RNF24: variants seen among roughly 807,000 people sequenced by gnomAD.
RNF24 encodes the protein ring finger protein 24.
RNF24 carries 14 observed loss-of-function variants against 20.0 expected under a neutral mutation model. That is an observed-to-expected ratio of 0.70 (90% CI 0.46 to 1.10). The LOEUF (loss-of-function observed/expected upper bound fraction) is 1.10, where lower values mean the gene tolerates loss of function less well. Ranked by LOEUF, RNF24 falls within the 50% of genes least tolerant of loss-of-function variation. The pLI, the probability that RNF24 is intolerant of heterozygous loss-of-function variation, is 0.00. For missense variants in RNF24, 124 were observed against 177.6 expected (o/e 0.70, Z 1.71); for synonymous variants, 45 against 61.1 (o/e 0.74, Z 1.23).
chr20:4,002,785 T>C (rs1025631025), intron 1 of RNF24, among the ~76,000 whole-genome samples: 1 of 152,168 alleles, frequency 6.6e-6, no homozygotes, highest in Non-Finnish European at 1.5e-5. Flanking sequence ...TTTTATATAA[T>C]ACATTTTTAA....
intron 1 of RNF24, among the ~76,000 whole-genome samples, chr20:4,000,185 G>A (rs781751761): frequency 2.6e-5 from 4 of 152,140 alleles, no homozygotes; most frequent in Non-Finnish European, 4.4e-5. Flanking sequence ...CAATAAAGCT[G>A]TTAAAAAAAG....
intron 1 of RNF24, among the ~76,000 whole-genome samples, chr20:3,977,276 T>C (rs1354714846): frequency 6.6e-6 from 1 of 152,154 alleles, no homozygotes; most frequent in African/African-American, 2.4e-5. Context: ...GAAAGTTAAG[T>C]TGTGCTAATA....
rs1458567387 is a variant in RNF24 at position 3,930,585 on chromosome 20, A to G, written c.*3478T>C. 1.3e-5 allele frequency: 2 copies of G among 152,214 alleles called. No homozygotes were observed. Among genetic ancestry groups the G allele is most frequent in the Non-Finnish European group, 1.5e-5 (1 of 68,042 alleles). 9.4% of individuals were successfully genotyped at this position (152,214 alleles called of 1,614,324 possible). A position where few individuals can be genotyped will look rare whatever the true frequency, so the allele number is the denominator to read the frequency against. On this transcript the variant is annotated 3_prime_UTR_variant, in exon 6 of 6. Coordinates refer to ENST00000358395, the MANE Select transcript of RNF24 (RefSeq NM_001134337.3). The stretch of plus-strand genomic sequence containing the variant: ...GAAGGGCCTAAGGCTAGTGAGTGAC[A>G]AGAGGTGATTCCATCACTCTCTGCC...
At chr20:3,972,859 C>T (rs868094439) in intron 1 of RNF24, among the ~76,000 whole-genome samples, 1 of 151,600 alleles carries the variant, frequency 6.6e-6, no homozygotes, top group African/African-American at 2.4e-5. Context: ...GCCGAGATCG[C>T]GCCACTGCAC....
At chr20:3,972,834 C>T (rs1271246448) in intron 1 of RNF24, among the ~76,000 whole-genome samples, 1 of 151,466 alleles carries the variant, frequency 6.6e-6, no homozygotes, top group Admixed American at 6.6e-5. Flanking sequence ...ATCCTGGCGG[C>T]GGAGATTGCA....
chr20:3,960,696 T>C (rs1459066355), intron 2 of RNF24, among the ~76,000 whole-genome samples: 2 of 152,038 alleles, frequency 1.3e-5, no homozygotes, highest in African/African-American at 2.4e-5. Flanking sequence ...CAAAAAACAA[T>C]CGTACCAATG....
At chr20:3,994,842 C>T (rs1449518259) in intron 1 of RNF24, among the ~76,000 whole-genome samples, 1 of 152,102 alleles carries the variant, frequency 6.6e-6, no homozygotes, top group African/African-American at 2.4e-5. Flanking sequence ...TCCCTGAAGA[C>T]AAAAGACTAG....
chr20:3,942,188 A>G (rs1410958184), intron 4 of RNF24, among the ~76,000 whole-genome samples: 5 of 142,046 alleles, frequency 3.5e-5, no homozygotes, highest in African/African-American at 1.3e-4. Context: ...TTTTTTTTTG[A>G]GGTAGGTTCT....
chr20:3,996,431 G>A (rs1383280411), intron 1 of RNF24, among the ~76,000 whole-genome samples: 3 of 152,130 alleles, frequency 2.0e-5, no homozygotes, highest in African/African-American at 4.8e-5. Context: ...TAGAGAATCA[G>A]TATCGGCTAC....
intron 1 of RNF24, among the ~76,000 whole-genome samples, chr20:3,965,545 C>T (rs1202459388): frequency 6.6e-6 from 1 of 152,174 alleles, no homozygotes; most frequent in Non-Finnish European, 1.5e-5. Context: ...TCAGTTAGAG[C>T]AAGTGCTTTT....
intron 1 of RNF24, among the ~76,000 whole-genome samples, chr20:3,989,974 A>C (rs1392225317): frequency 6.6e-6 from 1 of 152,216 alleles, no homozygotes; most frequent in Non-Finnish European, 1.5e-5. Flanking sequence ...AAGTTAAAGA[A>C]TAGCCCAAAT....
intron 1 of RNF24, among the ~76,000 whole-genome samples, chr20:4,008,502 T>TTATATATAATATATAA (rs1982153379): frequency 8.8e-6 from 1 of 114,220 alleles, no homozygotes; most frequent in African/African-American, 3.6e-5. Context: ...AATATATATA[T>TTATATATAATATATAA]TATACATATT....
intron 4 of RNF24, among the ~76,000 whole-genome samples, chr20:3,938,535 T>C (rs2090918941): frequency 6.6e-6 from 1 of 152,178 alleles, no homozygotes; most frequent in African/African-American, 2.4e-5. Context: ...ATTAAAAAAC[T>C]TTTGTTCTAC....
chr20:3,952,847 A>G (rs1459412379), intron 2 of RNF24, among the ~76,000 whole-genome samples: 2 of 152,192 alleles, frequency 1.3e-5, no homozygotes, highest in Non-Finnish European at 2.9e-5. Context: ...AAATGTTAAA[A>G]TAACTCTCGT....
At chr20:3,988,657 C>T (rs1303094435) in intron 1 of RNF24, among the ~76,000 whole-genome samples, 1 of 151,970 alleles carries the variant, frequency 6.6e-6, no homozygotes, top group Non-Finnish European at 1.5e-5. Context: ...TGGGGTCTTG[C>T]TATTTTGCCC....
rs962311764 is a variant in RNF24, at chr20:3,953,913, C to G, written c.144-5634G>C. Among the ~76,000 whole-genome samples, 3 of 151,378 alleles carry G rather than the reference C, an allele frequency of 2.0e-5. No homozygotes were observed. The East Asian group carries it at 5.9e-4, about 30-fold the overall frequency. On this transcript the variant is annotated intron_variant, in intron 2 of 5. Transcript: ENST00000358395. ...CTGAGAATACAGGTGTGTGCCACCA[C>G]GTCCAGCTAATTTTTATATTTTTAG...
chr20:3,944,475 C>T (rs146610182), intron 4 of RNF24, among the ~76,000 whole-genome samples: 90 of 152,278 alleles, frequency 5.9e-4, no homozygotes, highest in African/African-American at 2.0e-3. Flanking sequence ...ACTGCTATTA[C>T]AACACACAGC....
In RNF24 at chr20:3,934,042, C is replaced by T; in HGVS notation, c.*21G>A. 7.0e-7 allele frequency: 1 copy of T among 1,433,008 alleles called. No homozygotes were observed. The highest frequency in any genetic ancestry group is 1.6e-5 in the South Asian group (1 of 62,296). The allele number at this position is 1,433,008 out of a possible 1,614,324, so 88.8% of individuals were successfully genotyped here. The stretch of plus-strand genomic sequence containing the variant: ...TCCACACAGACGTCGTGTCCAGCAA[C>T]AGTCTGATCCTTGCGGTAAGCTATA... On this transcript the variant is annotated 3_prime_UTR_variant, in exon 6 of 6. Transcript: ENST00000358395. This position sits in a 1 kb window ranked among gnomAD's most constrained non-coding sequence, Gnocchi z 4.0.
chr20:3,970,190 A>G (rs2091300546), intron 1 of RNF24, among the ~76,000 whole-genome samples: 1 of 152,136 alleles, frequency 6.6e-6, no homozygotes, highest in Admixed American at 6.5e-5. Flanking sequence ...TTTTCCAGCC[A>G]AAGAGGTATC....
Sources: allele counts gnomAD v4.1 joint callset (sites outside exome capture counted in the v4.1 genomes callset), GRCh38; gene constraint gnomAD v4.1.1; non-coding constraint Gnocchi (gnomAD v3.1); transcripts MANE v1.5; gene names NCBI Gene and HGNC (gene_info 2026-07-23, HGNC 2026-07-21).